SOX5: variants seen among roughly 807,000 people sequenced by gnomAD.
The protein encoded by SOX5 is transcription factor SOX-5.
SOX5 carries 9 observed loss-of-function variants against 92.0 expected under a neutral mutation model. That is an observed-to-expected ratio of 0.10 (90% CI 0.06 to 0.17). The LOEUF (loss-of-function observed/expected upper bound fraction) is 0.17, where lower values mean the gene tolerates loss of function less well. Ranked by LOEUF, SOX5 falls within the 10% of genes least tolerant of loss-of-function variation. SOX5 has a pLI of 1.00. For missense variants in SOX5, 642 were observed against 944.5 expected (o/e 0.68, Z 4.20); for synonymous variants, 344 against 336.3 (o/e 1.02, Z -0.25).
chr12:23,885,603 C>G (rs972170651), intron 2 of SOX5, among the ~76,000 whole-genome samples: 1 of 152,122 alleles, frequency 6.6e-6, no homozygotes, highest in Admixed American at 6.6e-5. Flanking sequence ...TGCTTTATCA[C>G]GTGATGTCAG....
rs185966915 is a variant in SOX5, at chr12:24,248,032, G to A, written c.-77+29184C>T. ...AAGCTACTTCTTATACTGTCTCAAA[G>A]TTTAGAGTCTGGGTGGAGCCTTTGC... On this transcript the variant is annotated intron_variant, in intron 3 of 4. Transcript: ENST00000446891. 2.4e-4 allele frequency among the ~76,000 whole-genome samples: 37 copies of A among 152,278 alleles called. No individual in the cohort carries two copies. The East Asian group carries it at 6.2e-3, about 25-fold the overall frequency.
chr12:23,591,370 TA>T (rs1160729909), intron 9 of SOX5, among the ~76,000 whole-genome samples: 1 of 152,076 alleles, frequency 6.6e-6, no homozygotes, highest in East Asian at 1.9e-4. Context: ...GCCAGCTACT[TA>T]AAATTCAATA....
At chr12:24,547,330 TACAGGCGCCCGCC>T (rs1439877627) in intron 1 of SOX5, among the ~76,000 whole-genome samples, 1 of 151,736 alleles carries the variant, frequency 6.6e-6, no homozygotes, top group Non-Finnish European at 1.5e-5. Context: ...TAGCTGGGAC[TACAGGCGCCCGCC>T]ACCGCGCCCG....
At chr12:23,908,154 T>A (rs1381613354) in intron 1 of SOX5, among the ~76,000 whole-genome samples, 2 of 152,160 alleles carry the variant, frequency 1.3e-5, no homozygotes, top group Non-Finnish European at 2.9e-5. Context: ...CTAATAATGA[T>A]GACAAAAATA....
At position 24,068,950 on chromosome 12, in the gene SOX5, A is replaced by G. The variant is rs149353774; in HGVS notation, c.-2+144393T>C. ...CAGGAACTTATTTTTATATAGTCCA[A>G]GGAGTTAGCATAGCCCCCAGAAACT... On this transcript the variant is annotated intron_variant, in intron 4 of 4. Transcript: ENST00000446891. Among the ~76,000 whole-genome samples, 29 of 151,426 alleles carry G rather than the reference A, an allele frequency of 1.9e-4. No individual in the cohort carries two copies. In the East Asian group the frequency reaches 1.9e-3, roughly 10 times the overall value.
At chr12:23,894,082 C>T (rs377494681) in intron 2 of SOX5, among the ~76,000 whole-genome samples, 19 of 152,144 alleles carry the variant, frequency 1.2e-4, no homozygotes, top group South Asian at 6.2e-4. Flanking sequence ...CCTCTCTTTG[C>T]GTCAGTTTTC....
In SOX5 at chr12:24,121,745, G is replaced by T. The variant is rs374387348; in HGVS notation, c.-2+91598C>A. On this transcript the variant is annotated intron_variant, in intron 4 of 4. Coordinates refer to the SOX5 transcript ENST00000446891. ...CTACTAAAAATAAAAAATCAGCCAG[G>T]CGCGGTGGTAGGCGCCTGTAGTCCA... 4.5e-4 allele frequency among the ~76,000 whole-genome samples: 68 copies of T among 151,608 alleles called. 1 individual carries two copies. The South Asian group carries it at 0.013, about 29-fold the overall frequency.
At chr12:23,989,184 G>T (rs1318341812) in intron 4 of SOX5, among the ~76,000 whole-genome samples, 1 of 139,448 alleles carries the variant, frequency 7.2e-6, no homozygotes, top group Non-Finnish European at 1.5e-5. Context: ...CACCAGTCTG[G>T]CAACATGGCA....
intron 1 of SOX5, among the ~76,000 whole-genome samples, chr12:23,904,371 C>G (rs112561298): frequency 0.022 from 3,288 of 152,136 alleles, 83 homozygotes; most frequent in African/African-American, 0.062. Context: ...GCGGCATGAA[C>G]AAGTTCATCA....
chr12:24,302,499 A>C (rs2140662083), intron 2 of SOX5, among the ~76,000 whole-genome samples: 1 of 152,310 alleles, frequency 6.6e-6, no homozygotes, highest in African/African-American at 2.4e-5. Context: ...TTGCCATACA[A>C]AACATGGGAA....
chr12:24,382,071 C>T (rs908221286), intron 1 of SOX5, among the ~76,000 whole-genome samples: 3 of 152,166 alleles, frequency 2.0e-5, no homozygotes, highest in African/African-American at 7.2e-5. Flanking sequence ...AGAACAAGTT[C>T]CTTGCCCTCA....
intron 3 of SOX5, among the ~76,000 whole-genome samples, chr12:23,832,352 C>T (rs1268087311): frequency 1.3e-5 from 2 of 151,912 alleles, no homozygotes; most frequent in Admixed American, 6.6e-5. Context: ...ATTTTTATGA[C>T]TGTTGAGTTC....
At position 23,533,232 on chromosome 12, in the gene SOX5, G is replaced by C. The variant is rs925707999; in HGVS notation, c.*987C>G. ...TGGTCCAACGTTATTCCTATTATTA[G>C]TACCATAATCACATACATACATACA... is the stretch of plus-strand genomic sequence containing the variant. On this transcript the variant is annotated 3_prime_UTR_variant, in exon 15 of 15. Coordinates refer to ENST00000451604, the MANE Select transcript of SOX5 (RefSeq NM_006940.6). The C allele has an allele frequency of 8.8e-6, 4 of 454,514 alleles. No individual in the cohort carries two copies. The highest frequency in any genetic ancestry group is 6.0e-5 in the African/African-American group (3 of 49,934). 28.2% of individuals were successfully genotyped at this position (454,514 alleles called of 1,614,324 possible). A position where few individuals can be genotyped will look rare whatever the true frequency, so the allele number is the denominator to read the frequency against.
At chr12:23,720,391 A>G (rs939828475) in intron 6 of SOX5, among the ~76,000 whole-genome samples, 1 of 152,206 alleles carries the variant, frequency 6.6e-6, no homozygotes, top group Non-Finnish European at 1.5e-5. Context: ...ACAAGGTATC[A>G]AAGAGGCCCT....
chr12:23,892,066 G>C (rs1477470396), intron 2 of SOX5, among the ~76,000 whole-genome samples: 2 of 151,858 alleles, frequency 1.3e-5, no homozygotes, highest in African/African-American at 4.8e-5. Flanking sequence ...ACATATATAT[G>C]ACTATGCCTT....
At position 24,447,062 on chromosome 12, in the gene SOX5, T is replaced by A. The variant is rs1941589056; in HGVS notation, c.-250-78423A>T. Reference sequence around the variant, plus strand: ...TGATCATAACTGGGAGAGAAGAGACTAATCTCCACTACACAATTCCAAACA... The same window carrying A: ...TGATCATAACTGGGAGAGAAGAGACAAATCTCCACTACACAATTCCAAACA... On this transcript the variant is annotated intron_variant, in intron 1 of 4. Coordinates refer to the SOX5 transcript ENST00000446891. Among the ~76,000 whole-genome samples, 7 of 152,218 alleles carry A rather than the reference T, an allele frequency of 4.6e-5. No homozygotes were observed. In the South Asian group the frequency reaches 1.4e-3, roughly 32 times the overall value.
At chr12:23,867,905 T>C (rs913920187) in intron 2 of SOX5, among the ~76,000 whole-genome samples, 4 of 151,808 alleles carry the variant, frequency 2.6e-5, no homozygotes, top group African/African-American at 9.7e-5. Context: ...TATGAGTAGA[T>C]AGATTTAAGT....
At chr12:23,609,334 C>T (rs2075673770) in intron 8 of SOX5, among the ~76,000 whole-genome samples, 1 of 152,022 alleles carries the variant, frequency 6.6e-6, no homozygotes, top group Non-Finnish European at 1.5e-5. Context: ...TGTTTGAGAG[C>T]AATATATATG....
intron 2 of SOX5, among the ~76,000 whole-genome samples, chr12:23,878,920 C>T (rs2096957630): frequency 6.6e-6 from 1 of 152,040 alleles, no homozygotes; most frequent in African/African-American, 2.4e-5. Context: ...TGTCTGCCTG[C>T]CCCTGAAGTT....
Sources: allele counts gnomAD v4.1 joint callset (sites outside exome capture counted in the v4.1 genomes callset), GRCh38; gene constraint gnomAD v4.1.1; transcripts MANE v1.5; gene names NCBI Gene and HGNC (gene_info 2026-07-23, HGNC 2026-07-21).